ESYT2: variants seen among roughly 807,000 people sequenced by gnomAD.
ESYT2 encodes the protein extended synaptotagmin 2.
In ESYT2, 54 loss-of-function variants were observed where a neutral mutation model predicts 107.2. The observed-to-expected ratio is 0.50, with a 90% confidence interval of 0.40 to 0.63. The LOEUF is 0.63. Among genes scored for constraint, ESYT2 ranks in the 30% least tolerant of loss-of-function variants. The pLI, the probability that ESYT2 is intolerant of heterozygous loss-of-function variation, is 0.00. For synonymous variants in ESYT2, 491 were observed against 434.1 expected, an observed-to-expected ratio of 1.13 and a Z score of -1.63; for missense variants, 1,020 against 1,094.5, an observed-to-expected ratio of 0.93 and a Z score of 0.96.
At chr7:158,823,294 CAAAAAAAA>C (rs1173735798) in intron 1 of ESYT2, among the ~76,000 whole-genome samples, 21 of 29,806 alleles carry the variant, frequency 7.0e-4, no homozygotes, top group African/African-American at 1.9e-3. Context: ...GACTCTGTCT[CAAAAAAAA>C]AAAAAAAAAA....
chr7:158,761,932 CTTATT>C (rs1837979921), intron 10 of ESYT2, among the ~76,000 whole-genome samples: 1 of 152,178 alleles, frequency 6.6e-6, no homozygotes, highest in Non-Finnish European at 1.5e-5. Flanking sequence ...CTTGGAACGT[CTTATT>C]TTATACGTTC....
At chr7:158,816,965 T>C (rs1042629151) in intron 1 of ESYT2, among the ~76,000 whole-genome samples, 46 of 152,222 alleles carry the variant, frequency 3.0e-4, no homozygotes, top group African/African-American at 9.6e-4. Context: ...ATTTAAAGAT[T>C]TGTAGCACAA....
rs1476354167 is a variant in ESYT2, at chr7:158,798,269, AAT to A, written c.373-195_373-194del. On this transcript the variant is annotated intron_variant, in intron 2 of 22. Transcript: ENST00000275418. ...TAGAAAAACCAACTACTGATTAACC[AAT>A]ATGTTGCAGGAACTAGTTATTCTGG... 2.0e-5 allele frequency among the ~76,000 whole-genome samples: 3 copies of A among 152,192 alleles called. No homozygotes were observed. The East Asian group carries it at 5.8e-4, about 29-fold the overall frequency.
chr7:158,811,848 G>C (rs1840001935), intron 1 of ESYT2, among the ~76,000 whole-genome samples: 1 of 152,236 alleles, frequency 6.6e-6, no homozygotes, highest in Non-Finnish European at 1.5e-5. Flanking sequence ...CAAGATCCCT[G>C]AAAGAGGAAA....
intron 1 of ESYT2, among the ~76,000 whole-genome samples, chr7:158,828,462 G>A (rs1005321281): frequency 6.6e-6 from 1 of 152,244 alleles, no homozygotes; most frequent in Non-Finnish European, 1.5e-5. Flanking sequence ...GGCCGCGGCC[G>A]AAGAGGGGGC....
rs570037665 is a variant in ESYT2, at chr7:158,779,167, C to T, written c.748-5771G>A. ...AAAGATGGCTTCTTGCCTATCAAAACAAAAGATCAAAGGCATCAAACATAG... is the reference window on the plus strand; with the variant it reads ...AAAGATGGCTTCTTGCCTATCAAAATAAAAGATCAAAGGCATCAAACATAG... On this transcript the variant is annotated intron_variant, in intron 6 of 22. Transcript: ENST00000275418. Among the ~76,000 whole-genome samples the T allele has an allele frequency of 9.9e-5, 15 of 152,220 alleles. No homozygotes were observed. In the South Asian group the frequency reaches 3.1e-3, roughly 32 times the overall value.
Position 158,829,161 on chromosome 7 carries a change from G to T in ESYT2, c.258C>A (p.Arg86=). 1 of 1,553,622 alleles carries T rather than the reference G, an allele frequency of 6.4e-7. No individual in the cohort carries two copies. The highest frequency in any genetic ancestry group is 1.4e-5 in the African/African-American group (1 of 72,388). ...CCTCGTCTTCCAGCAGCGCCAGCGCGCGGCACAGGCGCAGGGCCTTGAGGC... is the reference window on the plus strand; with the variant it reads ...CCTCGTCTTCCAGCAGCGCCAGCGCTCGGCACAGGCGCAGGGCCTTGAGGC... ...SRGLKALRLC[R]ALALLEDEER... is the part of the protein sequence containing the mutation. The change falls in exon 1 of 23, where the codon CGC becomes CGA. Residue 86 remains arginine (R), a synonymous_variant. Transcript: ENST00000275418.
intron 17 of ESYT2, among the ~76,000 whole-genome samples, chr7:158,742,342 C>T (rs1351872737): frequency 6.6e-6 from 1 of 152,218 alleles, no homozygotes; most frequent in East Asian, 1.9e-4. Flanking sequence ...TGGGCAGAAG[C>T]TCCTCCATCC....
At chr7:158,798,763 G>A (rs1226312136) in intron 2 of ESYT2, among the ~76,000 whole-genome samples, 1 of 151,070 alleles carries the variant, frequency 6.6e-6, no homozygotes, top group East Asian at 1.9e-4. Context: ...ATAGACTTGA[G>A]CCCTGGCTGT....
chr7:158,827,639 T>C (rs1282250177), intron 1 of ESYT2: 4 of 152,226 alleles, frequency 2.6e-5, no homozygotes, highest in African/African-American at 4.8e-5. Flanking sequence ...CCAGTTGCAA[T>C]ATGACGTCAC....
At chr7:158,754,839 G>C (rs1393488635) in intron 13 of ESYT2, among the ~76,000 whole-genome samples, 1 of 152,102 alleles carries the variant, frequency 6.6e-6, no homozygotes, top group African/African-American at 2.4e-5. Flanking sequence ...CTGGGTTCTT[G>C]GTGTTGTCTT....
intron 1 of ESYT2, among the ~76,000 whole-genome samples, chr7:158,807,889 G>A (rs1839878698): frequency 6.6e-6 from 1 of 152,190 alleles, no homozygotes; most frequent in African/African-American, 2.4e-5. Flanking sequence ...AAAACAAAAA[G>A]GAGGCCAGGC....
intron 18 of ESYT2, among the ~76,000 whole-genome samples, chr7:158,741,111 A>G (rs34002332): frequency 0.24 from 36,293 of 152,162 alleles, 5,229 homozygotes; most frequent in East Asian, 0.59. Context: ...GATGGGATCC[A>G]ACTACGTGAA....
intron 6 of ESYT2, 110 bp from the exon 7 acceptor site, chr7:158,773,506 G>T: frequency 1.0e-6 from 1 of 963,328 alleles, no homozygotes. Flanking sequence ...ACACAACACA[G>T]ACCCACACCC....
intron 6 of ESYT2, among the ~76,000 whole-genome samples, chr7:158,787,460 G>A (rs955333902): frequency 6.6e-6 from 1 of 152,176 alleles, no homozygotes; most frequent in Non-Finnish European, 1.5e-5. Flanking sequence ...AGAGGAAGGA[G>A]ATGCATGCTA....
At position 158,735,595 on chromosome 7, in the gene ESYT2, C is replaced by G. The variant is rs760766473; in HGVS notation, c.2413G>C (p.Val805Leu). ...CTCCTCTGCACTTCTGGTAACGAAA[C>G]ACTGAAATCAAAGCTGAAATAGGAA... ...PVFDQSFDFS[V>L]SLPEVQRRTL... The change falls in exon 21 of 23, where the codon GTT becomes CTT. Residue 805 changes from valine to leucine, a missense_variant. Coordinates refer to ENST00000275418, the MANE Select transcript of ESYT2 (RefSeq NM_001367773.1). The G allele has an allele frequency of 6.2e-7, 1 of 1,613,744 alleles. No homozygotes were observed. The highest frequency in any genetic ancestry group is 1.7e-5 in the Admixed American group (1 of 60,004).
At chr7:158,804,844 GA>G (rs1018696134) in intron 1 of ESYT2, among the ~76,000 whole-genome samples, 3 of 152,240 alleles carry the variant, frequency 2.0e-5, no homozygotes, top group African/African-American at 7.2e-5. Flanking sequence ...TGAGGTGCAT[GA>G]AAAACCCAAG....
chr7:158,790,027 G>GA (rs1839235971), intron 4 of ESYT2, among the ~76,000 whole-genome samples: 1 of 116,726 alleles, frequency 8.6e-6, no homozygotes, highest in South Asian at 3.0e-4. Context: ...GCCCAGTGGG[G>GA]AGAGTCCTCC....
intron 1 of ESYT2, among the ~76,000 whole-genome samples, chr7:158,811,679 T>C (rs1265081645): frequency 6.6e-6 from 1 of 152,208 alleles, no homozygotes; most frequent in Non-Finnish European, 1.5e-5. Flanking sequence ...GTCAACTTTC[T>C]ATGGCTGTTC....
Sources: gnomAD v4.1 joint callset for allele counts (sites outside exome capture counted in the v4.1 genomes callset) on GRCh38, gnomAD v4.1.1 for gene constraint, MANE v1.5 for transcripts, NCBI Gene and HGNC (gene_info 2026-07-23, HGNC 2026-07-21) for gene names.